The following GPN2 variants were observed in gnomAD, a reference collection of about 807,000 sequenced individuals.
GPN2 encodes the protein ATP-binding domain 1 family member B.
In GPN2, 27 loss-of-function variants were observed where a neutral mutation model predicts 30.1. The observed-to-expected ratio is 0.90, with a 90% CI of 0.66 to 1.24. The LOEUF (loss-of-function observed/expected upper bound fraction) is 1.24. GPN2 is among the 50% of genes most tolerant of loss of function. GPN2 has a pLI of 0.00. For missense variants in GPN2, 406 were observed against 405.4 expected, an observed-to-expected ratio of 1.00 and a Z score of -0.01; for synonymous variants, 212 against 174.4, an observed-to-expected ratio of 1.22 and a Z score of -1.70.
chr1:26,886,911 T>C (rs1408279424), intron 2 of GPN2, among the ~76,000 whole-genome samples: 15 of 150,932 alleles, frequency 9.9e-5, no homozygotes, highest in Non-Finnish European at 2.2e-4. Flanking sequence ...GAGAATCGCT[T>C]GAATCCAGGA....
chr1:26,884,493 CT>C (rs1262485961), intron 3 of GPN2, among the ~76,000 whole-genome samples: 1 of 152,186 alleles, frequency 6.6e-6, no homozygotes, highest in African/African-American at 2.4e-5. Context: ...ATAAGCTCCC[CT>C]ATGCATATCC....
Position 26,889,889 on chromosome 1 carries a change from T to G in GPN2, c.208A>C (p.Met70Leu). ...VGELVGLGDVMDALRLGPNGG... is the reference protein window; with the variant it reads ...VGELVGLGDVLDALRLGPNGG... ...TTGGGCCCCAGGCGCAGCGCGTCCA[T>G]CACGTCGCCCAGCCCCACCAGCTCG... is the stretch of plus-strand genomic sequence containing the variant. Residue 70 changes from methionine to leucine, a missense_variant, in exon 1 of 5, where the codon ATG becomes CTG. By Grantham distance (15) the Met-to-Leu change is conservative (BLOSUM62 2). Coordinates refer to ENST00000374135, the MANE Select transcript of GPN2 (RefSeq NM_018066.4). 6.2e-7 allele frequency: 1 copy of G among 1,611,318 alleles called. No individual in the cohort carries two copies. The highest frequency in any genetic ancestry group is 8.5e-7 in the Non-Finnish European group (1 of 1,178,662).
At chr1:26,880,593 A>G (rs192154363) in intron 4 of GPN2, among the ~76,000 whole-genome samples, 499 of 152,180 alleles carry the variant, frequency 3.3e-3, no homozygotes, top group African/African-American at 4.5e-3. Flanking sequence ...TTACAGGCGT[A>G]AGCCACCACG....
intron 4 of GPN2, 108 bp downstream of exon 4, chr1:26,884,039 CAAAAAAAAAAAAA>C (rs373357961): frequency 3.3e-5 from 14 of 426,510 alleles, no homozygotes; most frequent in South Asian, 3.0e-4. Flanking sequence ...GACTCCATCT[CAAAAAAAAAAAAA>C]AAAAAAGAAA....
Position 26,889,260 on chromosome 1 carries a change from C to T in GPN2, c.412-135G>A, listed in dbSNP as rs1358511574. Reference sequence around the variant, plus strand: ...GCCTCTGTTTCTTTCTAATAACCACCCTGGTTTCCTTCTCCCAGGAAATAG... The same window carrying T: ...GCCTCTGTTTCTTTCTAATAACCACTCTGGTTTCCTTCTCCCAGGAAATAG... On this transcript the variant is annotated intron_variant, in intron 1 of 4. Transcript: ENST00000374135. 7.2e-6 allele frequency: 5 copies of T among 696,130 alleles called. No individual in the cohort carries two copies. In the East Asian group the frequency reaches 1.4e-4, roughly 19 times the overall value. 43.1% of individuals were successfully genotyped at this position (696,130 alleles called of 1,614,324 possible). A position where few individuals can be genotyped will look rare whatever the true frequency, so the allele number is the denominator to read the frequency against.
At chr1:26,883,883 A>G (rs1357116703) in intron 4 of GPN2, among the ~76,000 whole-genome samples, 1 of 151,928 alleles carries the variant, frequency 6.6e-6, no homozygotes, top group Non-Finnish European at 1.5e-5. Flanking sequence ...TACTAAAAAT[A>G]CAAAAAATTA....
chr1:26,877,709 C>T lies in GPN2; in HGVS notation c.*1968G>A, dbSNP rs1376480201. 6.6e-6 allele frequency: 1 copy of T among 152,174 alleles called. No homozygotes were observed. Among genetic ancestry groups the T allele is most frequent in the Non-Finnish European group, 1.5e-5 (1 of 68,046 alleles). The allele number at this position is 152,174 out of a possible 1,614,324, so 9.4% of individuals were successfully genotyped here. ...AATGAGGATTGTGTGTGTGGAAGCA[C>T]TCTAAAATACCAAGCACTTCATATG... On this transcript the variant is annotated 3_prime_UTR_variant, in exon 5 of 5. Transcript: ENST00000374135.
rs771942995 is a variant in GPN2, at chr1:26,888,958, G to A, written c.568+11C>T. On this transcript the variant is annotated intron_variant, in intron 2 of 4. Transcript: ENST00000374135. ...GCTGCCCTGCTCTTCGCCTGGAACA[G>A]AAGCTCTTACCCAGCTTCCCATAAT... The A allele has an allele frequency of 6.2e-7, 1 of 1,614,076 alleles. No individual in the cohort carries two copies. Among genetic ancestry groups the A allele is most frequent in the Non-Finnish European group, 8.5e-7 (1 of 1,179,912 alleles).
rs1270016474 is a variant in GPN2, at chr1:26,890,195, C to T, written c.-99G>A. 9.2e-7 allele frequency: 1 copy of T among 1,083,794 alleles called. No homozygotes were observed. The highest frequency in any genetic ancestry group is 1.3e-6 in the Non-Finnish European group (1 of 783,526). 67.1% of individuals were successfully genotyped at this position (1,083,794 alleles called of 1,614,324 possible). ...AGGGCGAGGGTCCCAGTACGTATAC[C>T]TCGTTGGCGGCCAGCGTCACTCGCC... On this transcript the variant is annotated 5_prime_UTR_variant, in exon 1 of 5. Coordinates refer to ENST00000374135, the MANE Select transcript of GPN2 (RefSeq NM_018066.4).
Position 26,876,536 on chromosome 1 carries a change from G to T in GPN2, c.*3141C>A, listed in dbSNP as rs1021906223. 20 of 152,224 alleles carry T rather than the reference G, an allele frequency of 1.3e-4. No individual in the cohort carries two copies. Among genetic ancestry groups the T allele is most frequent in the African/African-American group, 4.8e-4 (20 of 41,560 alleles). 9.4% of individuals were successfully genotyped at this position (152,224 alleles called of 1,614,324 possible). On this transcript the variant is annotated 3_prime_UTR_variant, in exon 5 of 5. Transcript: ENST00000374135. The stretch of plus-strand genomic sequence containing the variant: ...CTCGGCCTTCTCTTTCATTTTCTAA[G>T]TTTTTTACTTTCCTATATTTATTAG...
At chr1:26,880,805 C>T (rs757501475) in intron 4 of GPN2, among the ~76,000 whole-genome samples, 4 of 152,002 alleles carry the variant, frequency 2.6e-5, no homozygotes, top group Non-Finnish European at 5.9e-5. Flanking sequence ...CCTGTCTCAA[C>T]TTTGAACCCC....
chr1:26,886,765 C>A (rs1471718874), intron 2 of GPN2, among the ~76,000 whole-genome samples: 1 of 151,868 alleles, frequency 6.6e-6, no homozygotes, highest in Non-Finnish European at 1.5e-5. Context: ...TTGCAGTGAG[C>A]CGAGATCGCG....
chr1:26,884,807 C>T (rs1379215560), intron 3 of GPN2, among the ~76,000 whole-genome samples: 6 of 152,132 alleles, frequency 3.9e-5, no homozygotes, highest in Non-Finnish European at 8.8e-5. Context: ...CATGGTGAAA[C>T]CCTGTCTCTA....
rs192388562 is a variant in GPN2, at chr1:26,876,874, T to G, written c.*2803A>C. ...GGGTGCAGAGAATGCTGAGGGTGCTTGCATACGAGACCATAAAGTTGTAAA... is the reference window on the plus strand; with the variant it reads ...GGGTGCAGAGAATGCTGAGGGTGCTGGCATACGAGACCATAAAGTTGTAAA... On this transcript the variant is annotated 3_prime_UTR_variant, in exon 5 of 5. Coordinates refer to ENST00000374135, the MANE Select transcript of GPN2 (RefSeq NM_018066.4). 8 of 151,868 alleles carry G rather than the reference T, an allele frequency of 5.3e-5. No individual in the cohort carries two copies. In the East Asian group the frequency reaches 1.2e-3, roughly 22 times the overall value. 9.4% of individuals were successfully genotyped at this position (151,868 alleles called of 1,614,324 possible).
In GPN2 at chr1:26,890,144, AG is replaced by A; in HGVS notation, c.-49del. The A allele has an allele frequency of 6.9e-7, 1 of 1,440,380 alleles. No individual in the cohort carries two copies. Among genetic ancestry groups the A allele is most frequent in the African/African-American group, 1.4e-5 (1 of 69,830 alleles). 89.2% of individuals were successfully genotyped at this position (1,440,380 alleles called of 1,614,324 possible). On this transcript the variant is annotated 5_prime_UTR_variant, in exon 1 of 5. Transcript: ENST00000374135. ...GGTCAACTCACAGGGAAAACGGGGC[AG>A]GTAGCCGCGCCGGAGACGAGACTGA...
At chr1:26,884,112 T>C in intron 4 of GPN2, 48 bp downstream of exon 4, 1 of 1,546,036 alleles carries the variant, frequency 6.5e-7, no homozygotes, top group African/African-American at 1.4e-5. Context: ...CATTCTTGAG[T>C]CCCATGTCTC....
rs1271394187 is a variant in GPN2 at position 26,879,181 on chromosome 1, TA to T, written c.*495del. The stretch of plus-strand genomic sequence containing the variant: ...GGCCATATAGCAAGACCCCATCTTT[TA>T]AAAAACAAACCTCAGAACCAAAAAC... On this transcript the variant is annotated 3_prime_UTR_variant, in exon 5 of 5. Coordinates refer to ENST00000374135, the MANE Select transcript of GPN2 (RefSeq NM_018066.4). 1.9e-5 allele frequency: 3 copies of T among 158,034 alleles called. No individual in the cohort carries two copies. The highest frequency in any genetic ancestry group is 4.2e-5 in the Non-Finnish European group (3 of 71,144). 9.8% of individuals were successfully genotyped at this position (158,034 alleles called of 1,614,324 possible).
chr1:26,886,462 G>A (rs1368619516), intron 2 of GPN2: 6 of 460,852 alleles, frequency 1.3e-5, no homozygotes, highest in South Asian at 3.1e-5. Context: ...TTGGGAAGCC[G>A]AGGTGGGTGA....
At chr1:26,886,810 T>G (rs1221040451) in intron 2 of GPN2, among the ~76,000 whole-genome samples, 2 of 145,702 alleles carry the variant, frequency 1.4e-5, no homozygotes, top group Non-Finnish European at 3.0e-5. Context: ...ACAGCAAGAC[T>G]CCGTCTCAAA....
Sources: allele counts gnomAD v4.1 joint callset (sites outside exome capture counted in the v4.1 genomes callset), GRCh38; gene constraint gnomAD v4.1.1; transcripts MANE v1.5; gene names NCBI Gene and HGNC (gene_info 2026-07-23, HGNC 2026-07-21).